The following MYCL variants were observed in gnomAD, a reference collection of about 807,000 sequenced individuals.
MYCL encodes MYCL proto-oncogene, bHLH transcription factor.
MYCL carries 11 observed loss-of-function variants against 31.0 expected under a neutral mutation model. The observed-to-expected ratio is 0.35, with a 90% CI of 0.22 to 0.59. MYCL has a LOEUF of 0.59. Ranked by LOEUF, MYCL falls within the 20% of genes least tolerant of loss-of-function variation. MYCL has a pLI of 0.79. For missense variants in MYCL, 427 were observed against 486.1 expected (o/e 0.88, Z 1.14); for synonymous variants, 208 against 202.4 (o/e 1.03, Z -0.23).
intron 1 of MYCL, chr1:39,898,726 G>GC: frequency 1.0e-6 from 1 of 985,414 alleles, no homozygotes; most frequent in African/African-American, 1.7e-5. Context: ...AGGTACAAGC[G>GC]ACCATTTCCA....
chr1:39,900,770 A>G (rs1277304276), intron 1 of MYCL, 169 bp downstream of exon 1: 4 of 1,427,778 alleles, frequency 2.8e-6, no homozygotes, highest in Non-Finnish European at 3.7e-6. Context: ...TTACCAACAC[A>G]CCCACGTGCC....
chr1:39,900,157 G>T, intron 1 of MYCL: 1 of 985,534 alleles, frequency 1.0e-6, no homozygotes, highest in South Asian at 4.7e-5. Flanking sequence ...GATCTATTGA[G>T]GGGGAGCAAG....
intron 1 of MYCL, chr1:39,900,013 G>T (rs761591048): frequency 4.6e-5 from 45 of 985,402 alleles, no homozygotes; most frequent in Non-Finnish European, 4.7e-5. Flanking sequence ...CCTCAGCGAG[G>T]TTGCACTTGC....
rs145134879 is a variant in MYCL at position 39,897,103 on chromosome 1, C to CA, written c.*268dup. On this transcript the variant is annotated 3_prime_UTR_variant, in exon 2 of 2. Coordinates refer to ENST00000372816, the MANE Select transcript of MYCL (RefSeq NM_001033081.3). The surrounding 1 kb of genome is among the most constrained non-coding windows in gnomAD (Gnocchi z 4.3). ...CAGAGCTAGTGAGCTAGGCAGACCC[C>CA]AAGGCTCCTCAGTCAGCTGCCTGCT... is the stretch of plus-strand genomic sequence containing the variant. 3.2e-3 allele frequency: 1,469 copies of CA among 464,692 alleles called. 15 individuals carry two copies. Among genetic ancestry groups the CA allele is most frequent in the African/African-American group, 0.026 (1,330 of 51,930 alleles). The allele number at this position is 464,692 out of a possible 1,614,324, so 28.8% of individuals were successfully genotyped here. A position where few individuals can be genotyped will look rare whatever the true frequency, so the allele number is the denominator to read the frequency against.
intron 1 of MYCL, chr1:39,900,432 G>A (rs1644524623): frequency 1.0e-6 from 1 of 992,536 alleles, no homozygotes; most frequent in Non-Finnish European, 1.2e-6. Context: ...TGGTGGTGGG[G>A]AGGCACGAGA....
In MYCL at chr1:39,901,336, G is replaced by T; in HGVS notation, c.99C>A (p.Phe33Leu). The change falls in exon 1 of 2, where the codon TTC becomes TTA. Residue 33 changes from phenylalanine to leucine, a missense_variant. Phe to Leu is a conservative substitution (Grantham distance 22). Transcript: ENST00000372816. This position sits in a 1 kb window ranked among gnomAD's most constrained non-coding sequence, Gnocchi z 6.9. Reference sequence around the variant, plus strand: ...ACGTGGGGGGCGATGGCACCAGCTCGAATTTCTTCCAGATGTCCTCGCTGG... The same window carrying T: ...ACGTGGGGGGCGATGGCACCAGCTCTAATTTCTTCCAGATGTCCTCGCTGG... ...TAPSEDIWKKFELVPSPPTSP... is the reference protein window; with the variant it reads ...TAPSEDIWKKLELVPSPPTSP... 6.2e-7 allele frequency: 1 copy of T among 1,608,082 alleles called. No individual in the cohort carries two copies. Among genetic ancestry groups the T allele is most frequent in the Non-Finnish European group, 8.5e-7 (1 of 1,177,756 alleles).
chr1:39,900,747 T>G, intron 1 of MYCL, 192 bp downstream of exon 1: 1 of 1,409,710 alleles, frequency 7.1e-7, no homozygotes, highest in Non-Finnish European at 9.3e-7. Context: ...CCCACGCCAC[T>G]TTTCCAAACT....
At position 39,901,258 on chromosome 1, in the gene MYCL, ACCAATCCCGGGGGCCGGGTC is replaced by A; in HGVS notation, c.157_176del (p.Asp53SerfsTer34). On this transcript the variant is annotated frameshift_variant, in exon 1 of 2. Coordinates refer to ENST00000372816, the MANE Select transcript of MYCL (RefSeq NM_001033081.3). LOFTEE classifies it high-confidence loss of function. This position sits in a 1 kb window ranked among gnomAD's most constrained non-coding sequence, Gnocchi z 6.9. ...ACCCTCCGGGCCACGGCTCCGGGGG[ACCAATCCCGGGGGCCGGGTC>A]CCCTGCGCCGGGACCCAAGCCCCAG... 6.2e-7 allele frequency: 1 copy of A among 1,604,428 alleles called. No individual in the cohort carries two copies. Among genetic ancestry groups the A allele is most frequent in the Non-Finnish European group, 8.5e-7 (1 of 1,175,966 alleles).
rs1644499133 is a variant in MYCL at position 39,897,945 on chromosome 1, T to G, written c.522A>C (p.Thr174=). Residue 174 remains threonine, a synonymous_variant, in exon 2 of 2, where the codon ACA becomes ACC. Coordinates refer to ENST00000372816, the MANE Select transcript of MYCL (RefSeq NM_001033081.3). The surrounding 1 kb of genome is among the most constrained non-coding windows in gnomAD (Gnocchi z 4.3). ...TACCCAGAGACTGCCTCTTCTCTAC[T>G]GTCACAACATCAATTTCTTCATTCT... ...DSENEEIDVV[T]VEKRQSLGIR... is the part of the protein sequence containing the mutation. The G allele has an allele frequency of 1.2e-6, 2 of 1,613,358 alleles. No individual in the cohort carries two copies. The highest frequency in any genetic ancestry group is 1.3e-5 in the African/African-American group (1 of 75,000).
Position 39,895,856 on chromosome 1 carries a change from T to C in MYCL, c.*1516A>G, listed in dbSNP as rs1357991650. On this transcript the variant is annotated 3_prime_UTR_variant, in exon 2 of 2. Coordinates refer to ENST00000372816, the MANE Select transcript of MYCL (RefSeq NM_001033081.3). The stretch of plus-strand genomic sequence containing the variant: ...AAGCAACCTCAGAAAGAAACCATTA[T>C]GGACAATAGATTTGGAAGTAGCAGC... The C allele has an allele frequency of 9.0e-6, 2 of 221,526 alleles. No homozygotes were observed. Among genetic ancestry groups the C allele is most frequent in the East Asian group, 6.5e-5 (1 of 15,282 alleles). 13.7% of individuals were successfully genotyped at this position (221,526 alleles called of 1,614,324 possible). A position where few individuals can be genotyped will look rare whatever the true frequency, so the allele number is the denominator to read the frequency against.
At chr1:39,898,145 C>T in intron 1 of MYCL, 175 bp from the exon 2 acceptor site, 1 of 900,670 alleles carries the variant, frequency 1.1e-6, no homozygotes, top group Admixed American at 2.9e-5. Flanking sequence ...GTGGTAAGGG[C>T]ACAGTGAAGG....
Position 39,897,101 on chromosome 1 carries a change from C to G in MYCL, c.*271G>C. 1 of 460,314 alleles carries G rather than the reference C, an allele frequency of 2.2e-6. No individual in the cohort carries two copies. Among genetic ancestry groups the G allele is most frequent in the Non-Finnish European group, 3.9e-6 (1 of 258,222 alleles). The allele number at this position is 460,314 out of a possible 1,614,324, so 28.5% of individuals were successfully genotyped here. A position where few individuals can be genotyped will look rare whatever the true frequency, so the allele number is the denominator to read the frequency against. ...TTCAGAGCTAGTGAGCTAGGCAGAC[C>G]CCAAGGCTCCTCAGTCAGCTGCCTG... On this transcript the variant is annotated 3_prime_UTR_variant, in exon 2 of 2. Coordinates refer to ENST00000372816, the MANE Select transcript of MYCL (RefSeq NM_001033081.3). The surrounding 1 kb of genome is among the most constrained non-coding windows in gnomAD (Gnocchi z 4.3).
In MYCL at chr1:39,896,171, A is replaced by C. The variant is rs3134617; in HGVS notation, c.*1201T>G. The stretch of plus-strand genomic sequence containing the variant: ...TCTCCTGGAGGCTCCTTTAAAACCC[A>C]CCAGAAGCAAGTCCACCTTCTGGAG... On this transcript the variant is annotated 3_prime_UTR_variant, in exon 2 of 2. Transcript: ENST00000372816. 31,021 of 204,740 alleles carry C rather than the reference A, an allele frequency of 0.15. 3,069 individuals carry two copies. Among genetic ancestry groups the C allele is most frequent in the Non-Finnish European group, 0.22 (21,757 of 99,934 alleles). 12.7% of individuals were successfully genotyped at this position (204,740 alleles called of 1,614,324 possible).
intron 1 of MYCL, 108 bp from the exon 2 acceptor site, chr1:39,898,078 T>C (rs1374011733): frequency 1.4e-5 from 20 of 1,471,822 alleles, no homozygotes; most frequent in Non-Finnish European, 1.8e-5. Context: ...TAGGAGACAT[T>C]TTTCCAATTT....
chr1:39,901,087 G>A lies in MYCL; in HGVS notation c.348C>T (p.Gly116=), dbSNP rs2124719981. The part of the protein sequence containing the change: ...ERAVSDRLAP[G]APRGNPPKAS... ...CCTTGGGCGGGTTCCCCCGGGGCGC[G>A]CCAGGAGCGAGCCGGTCGCTCACAG... Residue 116 remains glycine, a synonymous_variant, in exon 1 of 2, where the codon GGC becomes GGT. Transcript: ENST00000372816. This position sits in a 1 kb window ranked among gnomAD's most constrained non-coding sequence, Gnocchi z 6.9. The A allele has an allele frequency of 6.3e-7, 1 of 1,575,842 alleles. No homozygotes were observed.
At chr1:39,899,014 C>T in intron 1 of MYCL, 1 of 985,468 alleles carries the variant, frequency 1.0e-6, no homozygotes. Context: ...GCTTGAGCCC[C>T]TTTGTCAGGA....
At position 39,901,315 on chromosome 1, in the gene MYCL, G is replaced by C; in HGVS notation, c.120C>G (p.Pro40=). The part of the protein sequence containing the change: ...WKKFELVPSP[P]TSPPWGLGPG... ...GACCCAAGCCCCAGGGCGGCGACGTGGGGGGCGATGGCACCAGCTCGAATT... is the reference window on the plus strand; with the variant it reads ...GACCCAAGCCCCAGGGCGGCGACGTCGGGGGCGATGGCACCAGCTCGAATT... Residue 40 remains proline, a synonymous_variant, in exon 1 of 2, where the codon CCC becomes CCG. Coordinates refer to ENST00000372816, the MANE Select transcript of MYCL (RefSeq NM_001033081.3). The surrounding 1 kb of genome is among the most constrained non-coding windows in gnomAD (Gnocchi z 6.9). 1 of 1,603,960 alleles carries C rather than the reference G, an allele frequency of 6.2e-7. No homozygotes were observed. Among genetic ancestry groups the C allele is most frequent in the Non-Finnish European group, 8.5e-7 (1 of 1,175,926 alleles).
Position 39,897,804 on chromosome 1 carries a change from T to C in MYCL, c.663A>G (p.Glu221=), listed in dbSNP as rs1172179161. The change falls in exon 2 of 2, where the codon GAA becomes GAG. Residue 221 remains glutamate, a synonymous_variant. Coordinates refer to ENST00000372816, the MANE Select transcript of MYCL (RefSeq NM_001033081.3). This position sits in a 1 kb window ranked among gnomAD's most constrained non-coding sequence, Gnocchi z 4.3. ...QHNYAARFPP[E]SCSQEEASER... Reference sequence around the variant, plus strand: ...CTGAAGCCTCTTCTTGGGAGCAGCTTTCTGGAGGAAAACGGGCAGCATAGT... The same window carrying C: ...CTGAAGCCTCTTCTTGGGAGCAGCTCTCTGGAGGAAAACGGGCAGCATAGT... The C allele has an allele frequency of 6.2e-7, 1 of 1,614,158 alleles. No homozygotes were observed. Among genetic ancestry groups the C allele is most frequent in the Non-Finnish European group, 8.5e-7 (1 of 1,180,018 alleles).
At chr1:39,898,902 C>T in intron 1 of MYCL, 1 of 985,458 alleles carries the variant, frequency 1.0e-6, no homozygotes, top group African/African-American at 1.7e-5. Flanking sequence ...AAAGTCTCCT[C>T]CTGCTCCACA....
Sources: gnomAD v4.1 joint callset for allele counts on GRCh38, gnomAD v4.1.1 for gene constraint, Gnocchi (gnomAD v3.1) non-coding constraint, MANE v1.5 for transcripts, NCBI Gene and HGNC (gene_info 2026-07-23, HGNC 2026-07-21) for gene names.